Variants in ESRRG observed in about 807,000 individuals in gnomAD.
ESRRG encodes the protein estrogen related receptor gamma.
In ESRRG, 13 loss-of-function variants were observed where a neutral mutation model predicts 44.0. The ratio of observed to expected loss-of-function variants is 0.30; its 90% CI spans 0.19 to 0.47. The LOEUF is 0.47. ESRRG is among the 20% of genes least tolerant of loss of function. The probability of loss-of-function intolerance (pLI) is 1.00; values close to 1 mark genes in which losing one functional copy is unlikely to be tolerated. For synonymous variants in ESRRG, 215 were observed against 214.6 expected, an observed-to-expected ratio of 1.00 and a Z score of -0.02; for missense variants, 395 against 580.6, an observed-to-expected ratio of 0.68 and a Z score of 3.29.
intron 2 of ESRRG, among the ~76,000 whole-genome samples, chr1:216,860,374 G>A (rs1310544859): frequency 6.6e-6 from 1 of 152,070 alleles, no homozygotes; most frequent in African/African-American, 2.4e-5. Flanking sequence ...AGGCAAGGGA[G>A]ATTTATAAGC....
At chr1:216,583,840 A>T (rs2063258476) in intron 3 of ESRRG, among the ~76,000 whole-genome samples, 1 of 152,196 alleles carries the variant, frequency 6.6e-6, no homozygotes, top group African/African-American at 2.4e-5. Context: ...GGCAGCAGGC[A>T]AAGAGAGAGA....
At chr1:216,760,617 A>G (rs1361046368) in intron 2 of ESRRG, among the ~76,000 whole-genome samples, 2 of 152,006 alleles carry the variant, frequency 1.3e-5, no homozygotes, top group Admixed American at 6.6e-5. Flanking sequence ...AATAACATAA[A>G]TTAAGTAATT....
intron 2 of ESRRG, among the ~76,000 whole-genome samples, chr1:216,738,146 G>A (rs1204787162): frequency 6.6e-6 from 1 of 152,056 alleles, no homozygotes; most frequent in African/African-American, 2.4e-5. Flanking sequence ...CTCTGAGGGT[G>A]GGGTCCATAC....
In ESRRG at chr1:216,568,076, A is replaced by C. The variant is rs200599728; in HGVS notation, c.612T>G (p.Arg204=). ...LKEGVRLDRV[R]GGRQKYKRRI... is the part of the protein sequence containing the mutation. ...TGCGCTTGTACTTCTGCCGACCTCC[A>C]CGTACTCTGTCAAGACGCACCCCTG... The change falls in exon 4 of 7, where the codon CGT becomes CGG. Residue 204 remains arginine (R), a synonymous_variant. Coordinates refer to ENST00000408911, the MANE Select transcript of ESRRG (RefSeq NM_001438.4). 11 of 1,613,622 alleles carry C rather than the reference A, an allele frequency of 6.8e-6. No homozygotes were observed. Among genetic ancestry groups the C allele is most frequent in the Non-Finnish European group, 9.3e-6 (11 of 1,179,664 alleles).
At chr1:217,015,608 C>T (rs2079230057) in intron 1 of ESRRG, among the ~76,000 whole-genome samples, 1 of 151,998 alleles carries the variant, frequency 6.6e-6, no homozygotes, top group South Asian at 2.1e-4. Context: ...TTTCTCACCT[C>T]CTGAAAATAC....
intron 3 of ESRRG, among the ~76,000 whole-genome samples, chr1:216,625,959 TC>T (rs1346485789): frequency 6.6e-6 from 1 of 152,152 alleles, no homozygotes; most frequent in African/African-American, 2.4e-5. Context: ...CCTCTCTCAC[TC>T]CCTCTGTCTG....
At chr1:216,777,343 C>G (rs954787363) in intron 2 of ESRRG, among the ~76,000 whole-genome samples, 1 of 152,096 alleles carries the variant, frequency 6.6e-6, no homozygotes, top group Non-Finnish European at 1.5e-5. Context: ...ACAGTGTCCC[C>G]GCAGTTGAGC....
intron 2 of ESRRG, among the ~76,000 whole-genome samples, chr1:216,783,011 A>G (rs2093989763): frequency 6.6e-6 from 1 of 151,972 alleles, no homozygotes; most frequent in Admixed American, 6.6e-5. Context: ...ATGTGTAATT[A>G]CCCAGAAGAT....
intron 1 of ESRRG, among the ~76,000 whole-genome samples, chr1:216,947,544 T>C (rs2818755): frequency 0.82 from 124,301 of 152,170 alleles, 51,038 homozygotes; most frequent in Middle Eastern, 0.9. Context: ...ATGGCTTATT[T>C]CTAGCTTTCT....
At chr1:216,920,196 A>G (rs1257815636) in intron 2 of ESRRG, among the ~76,000 whole-genome samples, 1 of 152,238 alleles carries the variant, frequency 6.6e-6, no homozygotes, top group Non-Finnish European at 1.5e-5. Context: ...TAGTCTGTCA[A>G]AATTCTAAAG....
intron 2 of ESRRG, among the ~76,000 whole-genome samples, chr1:216,730,431 A>G (rs1186156922): frequency 1.3e-5 from 2 of 152,110 alleles, no homozygotes; most frequent in African/African-American, 4.8e-5. Flanking sequence ...TTGTCCTTTT[A>G]TAAGCACATT....
intron 2 of ESRRG, among the ~76,000 whole-genome samples, chr1:216,890,191 GA>G (rs1246051042): frequency 6.6e-6 from 1 of 152,160 alleles, no homozygotes; most frequent in Non-Finnish European, 1.5e-5. Flanking sequence ...CTTGTGCCCA[GA>G]AGGTTGAGGC....
chr1:216,915,260 A>G (rs555002233), intron 2 of ESRRG, among the ~76,000 whole-genome samples: 1 of 152,314 alleles, frequency 6.6e-6, no homozygotes, highest in East Asian at 1.9e-4. Context: ...AAGAAGATAC[A>G]TAAAGCAGCA....
chr1:216,602,588 A>C (rs1303732157), intron 3 of ESRRG, among the ~76,000 whole-genome samples: 1 of 152,202 alleles, frequency 6.6e-6, no homozygotes, highest in Admixed American at 6.5e-5. Context: ...CGGATTATCT[A>C]TTCTGAGTTA....
chr1:216,904,815 G>A (rs1175181917), intron 2 of ESRRG, among the ~76,000 whole-genome samples: 1 of 152,148 alleles, frequency 6.6e-6, no homozygotes, highest in Non-Finnish European at 1.5e-5. Context: ...GCATTCTGGG[G>A]TTCGAAGAGG....
At chr1:216,558,028 T>C (rs1329000861) in intron 5 of ESRRG, among the ~76,000 whole-genome samples, 1 of 152,134 alleles carries the variant, frequency 6.6e-6, no homozygotes, top group African/African-American at 2.4e-5. Flanking sequence ...ACAGGATATT[T>C]AGTATGATGA....
intron 1 of ESRRG, among the ~76,000 whole-genome samples, chr1:217,012,931 G>T (rs34056739): frequency 0.16 from 23,993 of 152,122 alleles, 2,474 homozygotes; most frequent in Admixed American, 0.22. Flanking sequence ...GATAGGGGTG[G>T]TTCCTTCTGA....
chr1:216,574,292 A>G (rs2061320702), intron 3 of ESRRG, among the ~76,000 whole-genome samples: 1 of 152,138 alleles, frequency 6.6e-6, no homozygotes, highest in Non-Finnish European at 1.5e-5. Context: ...GGGAATTACA[A>G]ATCTTATACA....
intron 4 of ESRRG, among the ~76,000 whole-genome samples, chr1:216,566,260 T>G (rs1179146771): frequency 6.6e-6 from 1 of 152,214 alleles, no homozygotes; most frequent in African/African-American, 2.4e-5. Flanking sequence ...GCACAGTCTC[T>G]TGACACTTAT....
Sources: allele counts gnomAD v4.1 joint callset (sites outside exome capture counted in the v4.1 genomes callset), GRCh38; gene constraint gnomAD v4.1.1; transcripts MANE v1.5; gene names NCBI Gene and HGNC (gene_info 2026-07-23, HGNC 2026-07-21).